Variants in GRM5 observed in about 807,000 individuals in gnomAD.
GRM5 encodes the protein metabotropic glutamate receptor 5.
GRM5 carries 19 observed loss-of-function variants against 83.1 expected under a neutral mutation model. The observed-to-expected ratio is 0.23, with a 90% CI of 0.16 to 0.34. The LOEUF is 0.34. GRM5 is among the 10% of genes least tolerant of loss of function. GRM5 has a pLI of 1.00. For missense variants in GRM5, 1,160 were observed against 1,588.3 expected (o/e 0.73, Z 4.58); for synonymous variants, 675 against 633.6 (o/e 1.07, Z -0.98).
chr11:88,979,673 G>A (rs1939461360), intron 2 of GRM5, among the ~76,000 whole-genome samples: 1 of 151,840 alleles, frequency 6.6e-6, no homozygotes, highest in African/African-American at 2.4e-5. Context: ...TTAATATTCT[G>A]GTTCTGACTT....
intron 3 of GRM5, among the ~76,000 whole-genome samples, chr11:88,822,062 T>C (rs1469736769): frequency 8.5e-5 from 13 of 152,236 alleles, no homozygotes; most frequent in Admixed American, 6.5e-5. Flanking sequence ...TCCCAGATTA[T>C]TGTTTAGATC....
intron 2 of GRM5, among the ~76,000 whole-genome samples, chr11:88,981,832 C>A (rs1335854356): frequency 6.6e-6 from 1 of 152,146 alleles, no homozygotes; most frequent in Admixed American, 6.6e-5. Context: ...TCACAGACAG[C>A]TATAAGGGTT....
intron 3 of GRM5, among the ~76,000 whole-genome samples, chr11:88,736,790 A>G (rs962673899): frequency 6.6e-6 from 1 of 152,086 alleles, no homozygotes; most frequent in Non-Finnish European, 1.5e-5. Flanking sequence ...TGCCACTTTC[A>G]TGGTATCAGT....
intron 2 of GRM5, among the ~76,000 whole-genome samples, chr11:88,959,093 C>T (rs1016203818): frequency 3.0e-4 from 45 of 151,988 alleles, no homozygotes; most frequent in Non-Finnish European, 8.8e-5. Flanking sequence ...CATTTTAATA[C>T]TATATAAAAA....
At chr11:88,633,639 T>C (rs1565163322) in intron 4 of GRM5, among the ~76,000 whole-genome samples, 1 of 152,144 alleles carries the variant, frequency 6.6e-6, no homozygotes, top group Non-Finnish European at 1.5e-5. Flanking sequence ...GCTGGGACTA[T>C]AGGCAGGCAC....
In GRM5 at chr11:88,968,699, G is replaced by C. The variant is rs111647871; in HGVS notation, c.661+78513C>G. ...TCTAAAAAATAAAAAATAACACAAA[G>C]TGTTCAAGATTTTTTTAGGGTGATA... On this transcript the variant is annotated intron_variant, in intron 2 of 9. Coordinates refer to ENST00000305447, the MANE Select transcript of GRM5 (RefSeq NM_001143831.3). Among the ~76,000 whole-genome samples the C allele has an allele frequency of 2.4e-3, 361 of 151,992 alleles. 1 individual carries two copies. The highest frequency in any genetic ancestry group is 7.9e-3 in the African/African-American group (327 of 41,458).
chr11:88,653,442 A>G lies in GRM5; in HGVS notation c.912-39T>C, dbSNP rs1042156335. 8 of 1,369,978 alleles carry G rather than the reference A, an allele frequency of 5.8e-6. No homozygotes were observed. In the African/African-American group the frequency reaches 8.6e-5, roughly 15 times the overall value. 84.9% of individuals were successfully genotyped at this position (1,369,978 alleles called of 1,614,324 possible). A position where few individuals can be genotyped will look rare whatever the true frequency, so the allele number is the denominator to read the frequency against. ...AAAAAACCCTCAGCTTAGAACAGAT[A>G]TCTCCTAAGCAAATGAGTCCATTTG... On this transcript the variant is annotated intron_variant, in intron 3 of 9. Coordinates refer to ENST00000305447, the MANE Select transcript of GRM5 (RefSeq NM_001143831.3).
chr11:88,673,671 T>G (rs1940247542), intron 3 of GRM5, among the ~76,000 whole-genome samples: 1 of 151,862 alleles, frequency 6.6e-6, no homozygotes, highest in Non-Finnish European at 1.5e-5. Flanking sequence ...CTAGTTTGTA[T>G]TGCCCCCAAA....
intron 4 of GRM5, among the ~76,000 whole-genome samples, chr11:88,641,745 T>G (rs151332629): frequency 1.7e-3 from 253 of 152,324 alleles, no homozygotes; most frequent in African/African-American, 5.8e-3. Flanking sequence ...CATGTCCCAC[T>G]TCTAGGGCAT....
chr11:88,739,795 A>G lies in GRM5; in HGVS notation c.912-86392T>C, dbSNP rs991883664. ...CCCAGCCATGTGGAACTGTGGGTCA[A>G]TTAAACCTCTTTCCTTTATAAATTA... On this transcript the variant is annotated intron_variant, in intron 3 of 9. Transcript: ENST00000305447. Among the ~76,000 whole-genome samples, 5 of 152,216 alleles carry G rather than the reference A, an allele frequency of 3.3e-5. No homozygotes were observed. In the East Asian group the frequency reaches 9.7e-4, roughly 29 times the overall value.
intron 3 of GRM5, among the ~76,000 whole-genome samples, chr11:88,653,858 T>C (rs1004888731): frequency 1.3e-5 from 2 of 152,100 alleles, no homozygotes; most frequent in Non-Finnish European, 2.9e-5. Flanking sequence ...CTAATATTAA[T>C]TTAATCATCC....
At chr11:88,721,310 G>T (rs4604887) in intron 3 of GRM5, among the ~76,000 whole-genome samples, 136,978 of 152,092 alleles carry the variant, frequency 0.9, 62,203 homozygotes, top group Middle Eastern at 0.98. Flanking sequence ...GAAAGGTCCC[G>T]GGAAGAGTTC....
At chr11:88,691,776 T>C (rs1940786335) in intron 3 of GRM5, among the ~76,000 whole-genome samples, 1 of 152,238 alleles carries the variant, frequency 6.6e-6, no homozygotes, top group Non-Finnish European at 1.5e-5. Context: ...GATTCTGTTC[T>C]GTTATTCTAT....
At chr11:88,984,126 G>A (rs1591019392) in intron 2 of GRM5, among the ~76,000 whole-genome samples, 1 of 151,902 alleles carries the variant, frequency 6.6e-6, no homozygotes, top group Non-Finnish European at 1.5e-5. Flanking sequence ...ATTTAGTATG[G>A]CTTAAGTTTA....
rs191496960 is a variant in GRM5, at chr11:88,711,526, C to T, written c.912-58123G>A. On this transcript the variant is annotated intron_variant, in intron 3 of 9. Coordinates refer to ENST00000305447, the MANE Select transcript of GRM5 (RefSeq NM_001143831.3). ...CCTTCTAGCACCCATGGTTCTCATG[C>T]TGACAGGTACTTCTCCACTCTGATT... is the stretch of plus-strand genomic sequence containing the variant. 2.0e-5 allele frequency among the ~76,000 whole-genome samples: 3 copies of T among 152,202 alleles called. No homozygotes were observed. The East Asian group carries it at 5.8e-4, about 29-fold the overall frequency.
intron 3 of GRM5, among the ~76,000 whole-genome samples, chr11:88,761,070 T>C (rs1411718371): frequency 1.3e-5 from 2 of 152,182 alleles, no homozygotes; most frequent in East Asian, 3.8e-4. Flanking sequence ...AAGAGTCATC[T>C]ATGACAAACC....
At chr11:88,841,468 G>T (rs1375571723) in intron 3 of GRM5, among the ~76,000 whole-genome samples, 1 of 152,086 alleles carries the variant, frequency 6.6e-6, no homozygotes, top group Non-Finnish European at 1.5e-5. Flanking sequence ...CTAAATGTAT[G>T]CCTTTCTTAT....
intron 2 of GRM5, among the ~76,000 whole-genome samples, chr11:89,016,542 A>G (rs990637158): frequency 2.0e-5 from 3 of 152,160 alleles, no homozygotes; most frequent in Admixed American, 1.3e-4. Flanking sequence ...TCCTTTATAT[A>G]CACTGTCTGT....
chr11:88,760,104 C>A (rs1942480510), intron 3 of GRM5, among the ~76,000 whole-genome samples: 1 of 151,990 alleles, frequency 6.6e-6, no homozygotes, highest in Non-Finnish European at 1.5e-5. Flanking sequence ...GCACTAAATA[C>A]CCACATCAAA....
Sources: allele counts gnomAD v4.1 joint callset (sites outside exome capture counted in the v4.1 genomes callset), GRCh38; gene constraint gnomAD v4.1.1; transcripts MANE v1.5; gene names NCBI Gene and HGNC (gene_info 2026-07-23, HGNC 2026-07-21).